Variants in LATS1 observed in about 807,000 individuals in gnomAD.
LATS1 encodes serine/threonine-protein kinase LATS1.
A neutral mutation model predicts 106.6 loss-of-function variants in LATS1; 25 were observed. The observed-to-expected ratio is 0.23, with a 90% CI of 0.17 to 0.33. LATS1 has a LOEUF of 0.33. Ranked by LOEUF, LATS1 falls within the 10% of genes least tolerant of loss-of-function variation. The pLI is 1.00. For synonymous variants in LATS1, 465 were observed against 455.6 expected, an observed-to-expected ratio of 1.02 and a Z score of -0.26; for missense variants, 1,040 against 1,382.6, an observed-to-expected ratio of 0.75 and a Z score of 3.93.
intron 7 of LATS1, among the ~76,000 whole-genome samples, chr6:149,673,390 C>T (rs1301507899): frequency 2.0e-5 from 3 of 151,908 alleles, no homozygotes; most frequent in Non-Finnish European, 4.4e-5. Flanking sequence ...TGAGCTACCG[C>T]GCCCAGCCCT....
chr6:149,717,129 CAT>C (rs1784442047), intron 1 of LATS1, among the ~76,000 whole-genome samples: 1 of 152,236 alleles, frequency 6.6e-6, no homozygotes, highest in African/African-American at 2.4e-5. Context: ...GAGGATGATA[CAT>C]GTTTTAAAAG....
chr6:149,676,469 A>G, intron 6 of LATS1, 86 bp downstream of exon 6: 1 of 1,396,404 alleles, frequency 7.2e-7, no homozygotes, highest in Non-Finnish European at 9.9e-7. Context: ...TACTTTTATT[A>G]TAAGCCTGAA....
chr6:149,717,959 G>A lies in LATS1; in HGVS notation c.-251C>T. 2.8e-6 allele frequency: 1 copy of A among 363,070 alleles called. No individual in the cohort carries two copies. The highest frequency in any genetic ancestry group is 1.9e-5 in the South Asian group (1 of 53,754). The allele number at this position is 363,070 out of a possible 1,614,324, so 22.5% of individuals were successfully genotyped here. ...AAGTATCCCTGGTGGGGCAGAGCGGGGAGACGAACGGGGGGGCTGCCGCGG... is the reference window on the plus strand; with the variant it reads ...AAGTATCCCTGGTGGGGCAGAGCGGAGAGACGAACGGGGGGGCTGCCGCGG... On this transcript the variant is annotated 5_prime_UTR_variant, in exon 1 of 8. Coordinates refer to ENST00000543571, the MANE Select transcript of LATS1 (RefSeq NM_004690.4).
intron 2 of LATS1, among the ~76,000 whole-genome samples, chr6:149,700,557 T>C (rs1422315682): frequency 6.6e-6 from 1 of 152,132 alleles, no homozygotes; most frequent in Non-Finnish European, 1.5e-5. Context: ...AATGCATACT[T>C]AGGTTCTCAT....
chr6:149,678,917 T>C (rs759154510), intron 5 of LATS1, among the ~76,000 whole-genome samples: 11 of 152,280 alleles, frequency 7.2e-5, no homozygotes, highest in Non-Finnish European at 1.2e-4. Flanking sequence ...TTATATAAGT[T>C]GTGTAACAGT....
intron 1 of LATS1, among the ~76,000 whole-genome samples, chr6:149,706,956 T>A (rs1406606584): frequency 1.3e-5 from 2 of 151,348 alleles, no homozygotes; most frequent in Non-Finnish European, 2.9e-5. Context: ...CTGAATATTC[T>A]AACATATACT....
chr6:149,676,048 TCA>T, intron 7 of LATS1: 2 of 513,956 alleles, frequency 3.9e-6, no homozygotes, highest in Non-Finnish European at 7.0e-6. Context: ...AGATGTGGTC[TCA>T]CATTGTTGCC....
At chr6:149,697,284 A>T in intron 2 of LATS1, 1 of 560,954 alleles carries the variant, frequency 1.8e-6, no homozygotes, top group Middle Eastern at 3.2e-4. Context: ...TTTCTTAGAA[A>T]AAGTTACTGA....
chr6:149,666,014 C>T (rs1362680151), intron 7 of LATS1, among the ~76,000 whole-genome samples: 2 of 151,422 alleles, frequency 1.3e-5, no homozygotes, highest in East Asian at 2.0e-4. Flanking sequence ...TGGTAGCACA[C>T]GCCTGTAGTC....
intron 3 of LATS1, among the ~76,000 whole-genome samples, chr6:149,685,537 C>T (rs186117685): frequency 2.6e-5 from 4 of 152,158 alleles, no homozygotes; most frequent in African/African-American, 9.6e-5. Flanking sequence ...AGGCGCACGC[C>T]ACCACGCCCA....
At position 149,682,693 on chromosome 6, in the gene LATS1, C is replaced by A. The variant is rs138662732; in HGVS notation, c.2010+386G>T. Among the ~76,000 whole-genome samples the A allele has an allele frequency of 7.9e-5, 12 of 152,136 alleles. No individual in the cohort carries two copies. The East Asian group carries it at 2.3e-3, about 29-fold the overall frequency. On this transcript the variant is annotated intron_variant, in intron 4 of 7. Transcript: ENST00000543571. The stretch of plus-strand genomic sequence containing the variant: ...CCTTCCAAAGTGCTTTGATTACAGG[C>A]GTGAGCCCCCATGCCCCAGCCTGAG...
intron 2 of LATS1, among the ~76,000 whole-genome samples, chr6:149,696,424 T>C (rs1422128783): frequency 1.3e-5 from 2 of 149,862 alleles, no homozygotes; most frequent in African/African-American, 4.9e-5. Flanking sequence ...TAAAATTGTC[T>C]GGGTGTAGTG....
At chr6:149,693,119 C>T (rs1224887159) in intron 3 of LATS1, among the ~76,000 whole-genome samples, 1 of 149,944 alleles carries the variant, frequency 6.7e-6, no homozygotes, top group African/African-American at 2.5e-5. Flanking sequence ...AAAAATTAGC[C>T]AAGCATGGTG....
At chr6:149,669,296 G>A (rs1003404825) in intron 7 of LATS1, among the ~76,000 whole-genome samples, 9 of 151,836 alleles carry the variant, frequency 5.9e-5, no homozygotes, top group Non-Finnish European at 1.3e-4. Flanking sequence ...ACCACACCCA[G>A]CTAATTTTTT....
chr6:149,673,104 T>C (rs1283807162), intron 7 of LATS1, among the ~76,000 whole-genome samples: 5 of 148,438 alleles, frequency 3.4e-5, no homozygotes, highest in Non-Finnish European at 6.0e-5. Flanking sequence ...TTCTTTTTTT[T>C]TTTTTTTTTT....
At chr6:149,695,314 C>T in intron 2 of LATS1, 93 bp from the exon 3 acceptor site, 1 of 753,330 alleles carries the variant, frequency 1.3e-6, no homozygotes, top group Non-Finnish European at 2.1e-6. Flanking sequence ...CTAGAGAAAT[C>T]CATAATTATG....
intron 3 of LATS1, among the ~76,000 whole-genome samples, chr6:149,694,590 T>G (rs1394881078): frequency 6.6e-6 from 1 of 152,228 alleles, no homozygotes; most frequent in Non-Finnish European, 1.5e-5. Context: ...TCCCATTTTT[T>G]GCTTAAACAA....
intron 3 of LATS1, among the ~76,000 whole-genome samples, chr6:149,690,093 T>C (rs1310336102): frequency 6.6e-6 from 1 of 152,086 alleles, no homozygotes; most frequent in Admixed American, 6.6e-5. Context: ...AGATTAAGTA[T>C]GGAAATGGAG....
At position 149,717,886 on chromosome 6, in the gene LATS1, G is replaced by A. The variant is rs539547438; in HGVS notation, c.-178C>T. The A allele has an allele frequency of 2.2e-5, 8 of 370,952 alleles. No homozygotes were observed. The highest frequency in any genetic ancestry group is 1.8e-4 in the African/African-American group (8 of 44,278). The allele number at this position is 370,952 out of a possible 1,614,324, so 23.0% of individuals were successfully genotyped here. A position where few individuals can be genotyped will look rare whatever the true frequency, so the allele number is the denominator to read the frequency against. On this transcript the variant is annotated 5_prime_UTR_variant, in exon 1 of 8. Coordinates refer to ENST00000543571, the MANE Select transcript of LATS1 (RefSeq NM_004690.4). The stretch of plus-strand genomic sequence containing the variant: ...GCAGAGCTCCTGGACAGCGGCCACG[G>A]GCCTGAGGGCGGACGCTGAGGCGGC...
Sources: allele counts gnomAD v4.1 joint callset (sites outside exome capture counted in the v4.1 genomes callset), GRCh38; gene constraint gnomAD v4.1.1; transcripts MANE v1.5; gene names NCBI Gene and HGNC (gene_info 2026-07-23, HGNC 2026-07-21).